Variants in PEPD observed in about 807,000 individuals in gnomAD.
PEPD encodes peptidase D, also known as xaa-Pro dipeptidase.
A neutral mutation model predicts 60.7 loss-of-function variants in PEPD; 53 were observed. The observed-to-expected ratio is 0.87, with a 90% CI of 0.70 to 1.10. PEPD has a LOEUF of 1.10. Among genes scored for constraint, PEPD ranks in the 50% least tolerant of loss-of-function variants. The pLI, the probability that PEPD is intolerant of heterozygous loss-of-function variation, is 0.00. For synonymous variants in PEPD, 267 were observed against 284.1 expected (o/e 0.94, Z 0.60); for missense variants, 711 against 711.9 (o/e 1.00, Z 0.01).
intron 9 of PEPD, among the ~76,000 whole-genome samples, chr19:33,459,293 G>C (rs774170098): frequency 2.0e-5 from 3 of 152,154 alleles, no homozygotes. Context: ...GAGAGAAAGA[G>C]CATAATTTCA....
chr19:33,393,197 CGGGGTCT>C (rs1482764014), intron 12 of PEPD, among the ~76,000 whole-genome samples: 2 of 140,122 alleles, frequency 1.4e-5, no homozygotes, highest in African/African-American at 5.4e-5. Flanking sequence ...GAGGCCGTCC[CGGGGTCT>C]GGGGTCTGGC....
chr19:33,425,910 A>G (rs1395784513), intron 9 of PEPD, among the ~76,000 whole-genome samples: 1 of 152,240 alleles, frequency 6.6e-6, no homozygotes, highest in Non-Finnish European at 1.5e-5. Flanking sequence ...CCTGGGCTCA[A>G]GCAATCCTCC....
At chr19:33,472,222 G>A (rs1970134052) in intron 7 of PEPD, among the ~76,000 whole-genome samples, 1 of 151,996 alleles carries the variant, frequency 6.6e-6, no homozygotes, top group African/African-American at 2.4e-5. Context: ...CAGCTACTCG[G>A]GAGGCTGAGG....
chr19:33,508,261 C>T (rs561831704), intron 3 of PEPD, among the ~76,000 whole-genome samples: 2 of 152,260 alleles, frequency 1.3e-5, no homozygotes, highest in African/African-American at 4.8e-5. Flanking sequence ...AGGTGTCACC[C>T]GGAGCCAAGG....
At chr19:33,428,735 G>A (rs1217450788) in intron 9 of PEPD, among the ~76,000 whole-genome samples, 1 of 152,148 alleles carries the variant, frequency 6.6e-6, no homozygotes, top group African/African-American at 2.4e-5. Context: ...TCCCAGTCTT[G>A]AAGGGCACTC....
chr19:33,492,458 G>C (rs1167397581), intron 5 of PEPD, among the ~76,000 whole-genome samples: 1 of 152,146 alleles, frequency 6.6e-6, no homozygotes, highest in Non-Finnish European at 1.5e-5. Flanking sequence ...GAAATATTCT[G>C]ATACAGGTAT....
chr19:33,511,534 G>A (rs1333711325), intron 2 of PEPD: 10 of 342,764 alleles, frequency 2.9e-5, no homozygotes, highest in Admixed American at 8.1e-5. Context: ...CGCCCAGGCC[G>A]GATATCTGCA....
chr19:33,405,107 A>G (rs1365430481), intron 11 of PEPD, among the ~76,000 whole-genome samples: 3 of 152,214 alleles, frequency 2.0e-5, no homozygotes, highest in African/African-American at 7.2e-5. Context: ...ATGCATCTCC[A>G]AACAACGTGC....
chr19:33,438,300 G>A (rs1489180041), intron 9 of PEPD, among the ~76,000 whole-genome samples: 1 of 152,222 alleles, frequency 6.6e-6, no homozygotes, highest in Non-Finnish European at 1.5e-5. Flanking sequence ...GGAAAACAAT[G>A]CCCATCTTAC....
Position 33,391,385 on chromosome 19 carries a change from C to G in PEPD, c.1062G>C (p.Met354Ile). The change falls in exon 13 of 15, where the codon ATG (methionine) becomes ATC (isoleucine). Residue 354 changes from methionine to isoleucine, a missense_variant. By Grantham distance (10) the Met-to-Ile change is conservative. Coordinates refer to ENST00000244137, the MANE Select transcript of PEPD (RefSeq NM_000285.4). ...MGILSGSVDA[M>I]VQAHLGAVFM... ...ACACGGCCCCCAGGTGAGCCTGGAC[C>G]ATGGCGTCCACGCTGCCGCTCAGGA... 1 of 1,601,728 alleles carries G rather than the reference C, an allele frequency of 6.2e-7. No homozygotes were observed. The highest frequency in any genetic ancestry group is 2.2e-5 in the East Asian group (1 of 44,474).
At chr19:33,444,886 T>A (rs1969563504) in intron 9 of PEPD, among the ~76,000 whole-genome samples, 2 of 151,270 alleles carry the variant, frequency 1.3e-5, no homozygotes, top group South Asian at 4.2e-4. Flanking sequence ...CCCATTTTCC[T>A]GGACAACATT....
chr19:33,466,886 G>A (rs951710780), intron 7 of PEPD, among the ~76,000 whole-genome samples: 5 of 152,070 alleles, frequency 3.3e-5, no homozygotes, highest in Non-Finnish European at 5.9e-5. Flanking sequence ...GGCCGGGCGC[G>A]GTGGCTCAAG....
chr19:33,469,128 G>A (rs904145324), intron 7 of PEPD, among the ~76,000 whole-genome samples: 16 of 152,052 alleles, frequency 1.1e-4, no homozygotes, highest in African/African-American at 3.1e-4. Context: ...AGGATCTCCC[G>A]CCCTCCAACC....
At chr19:33,478,656 G>C (rs1005677660) in intron 6 of PEPD, among the ~76,000 whole-genome samples, 2 of 152,008 alleles carry the variant, frequency 1.3e-5, no homozygotes, top group Non-Finnish European at 2.9e-5. Context: ...AGAGAAGGCA[G>C]TGGGATGACA....
chr19:33,396,942 C>T (rs992057674), intron 12 of PEPD, among the ~76,000 whole-genome samples: 3 of 152,136 alleles, frequency 2.0e-5, no homozygotes, highest in African/African-American at 4.8e-5. Context: ...CTGCCGGGCT[C>T]GCCCATCCGT....
intron 7 of PEPD, among the ~76,000 whole-genome samples, chr19:33,475,852 TCAGG>T (rs1263116158): frequency 6.6e-6 from 1 of 152,104 alleles, no homozygotes; most frequent in African/African-American, 2.4e-5. Flanking sequence ...TACGGACAAG[TCAGG>T]CATTTGTTAC....
At chr19:33,393,197 C>G in intron 12 of PEPD, among the ~76,000 whole-genome samples, 1 of 140,238 alleles carries the variant, frequency 7.1e-6, no homozygotes, top group South Asian at 2.4e-4. Context: ...GAGGCCGTCC[C>G]GGGGTCTGGG....
At chr19:33,478,198 C>G (rs1970257720) in intron 6 of PEPD, 108 bp from the exon 7 acceptor site, 2 of 775,886 alleles carry the variant, frequency 2.6e-6, no homozygotes, top group Non-Finnish European at 4.6e-6. Context: ...GAGGGTCCCA[C>G]ACTTTAATTT....
chr19:33,413,006 G>A (rs969433393), intron 10 of PEPD, among the ~76,000 whole-genome samples: 50 of 152,326 alleles, frequency 3.3e-4, no homozygotes, highest in African/African-American at 9.6e-4. Flanking sequence ...CCAGCCAGGT[G>A]TTGATGGCAC....
Sources: gnomAD v4.1 joint callset for allele counts (sites outside exome capture counted in the v4.1 genomes callset) on GRCh38, gnomAD v4.1.1 for gene constraint, MANE v1.5 for transcripts, NCBI Gene and HGNC (gene_info 2026-07-23, HGNC 2026-07-21) for gene names.